The following ZNF581 variants were observed in gnomAD, a reference collection of about 807,000 sequenced individuals.
ZNF581 encodes the protein zinc finger protein 581.
In ZNF581, 1 loss-of-function variant was observed where a neutral mutation model predicts 1.2. That is an observed-to-expected ratio of 0.83 (90% CI 0.30 to 3.95). The LOEUF is 3.95. ZNF581 is among the 30% of genes most tolerant of loss of function. The pLI is 0.18. For missense variants in ZNF581, 273 were observed against 274.6 expected, an observed-to-expected ratio of 0.99 and a Z score of 0.04; for synonymous variants, 105 against 109.2, an observed-to-expected ratio of 0.96 and a Z score of 0.24.
upstream of ZNF581, chr19:55,641,111 G>T: frequency 1.0e-6 from 1 of 985,400 alleles, no homozygotes; most frequent in Non-Finnish European, 1.2e-6. Flanking sequence ...CGCCGCCGGC[G>T]CTCGCCAGGG....
chr19:55,640,249 C>T (rs1395669935), upstream of ZNF581: 1 of 985,374 alleles, frequency 1.0e-6, no homozygotes, highest in Non-Finnish European at 1.2e-6. Flanking sequence ...GCTGCAGCGC[C>T]ACCGCGCGTT....
upstream of ZNF581, among the ~76,000 whole-genome samples, chr19:55,636,721 G>A (rs910154486): frequency 2.6e-5 from 4 of 152,104 alleles, no homozygotes; most frequent in African/African-American, 7.2e-5. Context: ...ATGAACAGAC[G>A]GAGGACGCAG....
At chr19:55,642,020 T>TG (rs535492817), upstream of ZNF581, 775 of 720,192 alleles carry the variant, frequency 1.1e-3, 10 homozygotes, top group South Asian at 0.037. Flanking sequence ...CGGGGGCCGG[T>TG]GGGGGGGTAG....
upstream of ZNF581, among the ~76,000 whole-genome samples, chr19:55,639,905 C>T (rs1245985298): frequency 6.6e-6 from 1 of 152,150 alleles, no homozygotes; most frequent in African/African-American, 2.4e-5. Context: ...GTGTGAGCCA[C>T]CGTGCTGATT....
Position 55,644,731 on chromosome 19 carries a change from C to G in ZNF581, c.160C>G (p.Leu54Val). The G allele has an allele frequency of 6.2e-7, 1 of 1,614,102 alleles. No homozygotes were observed. The highest frequency in any genetic ancestry group is 8.5e-7 in the Non-Finnish European group (1 of 1,179,992). ...ATCTCCTCCAAGGCCCAACCACTACCTGCTTATTGACACTCAGGGTGTCCC... is the reference window on the plus strand; with the variant it reads ...ATCTCCTCCAAGGCCCAACCACTACGTGCTTATTGACACTCAGGGTGTCCC... ...ASSPPRPNHYLLIDTQGVPYT... is the reference protein window; with the variant it reads ...ASSPPRPNHYVLIDTQGVPYT... The change falls in exon 2 of 2, where the codon CTG becomes GTG. Residue 54 changes from leucine (L) to valine (V), a missense_variant. Transcript: ENST00000270451. The surrounding 1 kb of genome is among the most constrained non-coding windows in gnomAD (Gnocchi z 4.3).
Position 55,644,976 on chromosome 19 carries a change from C to T in ZNF581, c.405C>T (p.Ser135=), listed in dbSNP as rs1158370657. ...CCAGCCACTTGGCACGGCACCATTC[C>T]ATTCACCTGGCGGGTGGTGGGCGGC... ...KRASHLARHH[S]IHLAGGGRPH... Residue 135 remains serine (S), a synonymous_variant, in exon 2 of 2, where the codon TCC becomes TCT. Transcript: ENST00000270451. This position sits in a 1 kb window ranked among gnomAD's most constrained non-coding sequence, Gnocchi z 4.3. 6.2e-7 allele frequency: 1 copy of T among 1,608,316 alleles called. No individual in the cohort carries two copies. The highest frequency in any genetic ancestry group is 1.7e-5 in the Admixed American group (1 of 59,922).
At chr19:55,641,147 G>A (rs1982439873), upstream of ZNF581, 3 of 985,324 alleles carry the variant, frequency 3.0e-6, no homozygotes, top group Admixed American at 1.2e-4. Flanking sequence ...CCGGGACCTC[G>A]GCCCGTTCCT....
chr19:55,635,159 G>A (rs1193800254), upstream of ZNF581: 2 of 152,368 alleles, frequency 1.3e-5, no homozygotes, highest in African/African-American at 2.4e-5. Context: ...CCAGGGCAGT[G>A]GGCGTTGGAA....
In ZNF581 at chr19:55,644,676, T is replaced by C. The variant is rs1568538787; in HGVS notation, c.105T>C (p.Pro35=). The part of the protein sequence containing the change: ...RRTCRSPEPG[P]SSSIGSPQAS... The stretch of plus-strand genomic sequence containing the variant: ...CTTGCCGCTCCCCAGAACCTGGACC[T>C]TCCTCCTCCATCGGATCTCCCCAGG... Residue 35 remains proline (P), a synonymous_variant, in exon 2 of 2, where the codon CCT becomes CCC. Transcript: ENST00000270451. The surrounding 1 kb of genome is among the most constrained non-coding windows in gnomAD (Gnocchi z 4.3). 6.2e-7 allele frequency: 1 copy of C among 1,613,144 alleles called. No individual in the cohort carries two copies. Among genetic ancestry groups the C allele is most frequent in the African/African-American group, 1.3e-5 (1 of 75,014 alleles).
chr19:55,639,683 C>T (rs1460028302), upstream of ZNF581, among the ~76,000 whole-genome samples: 1 of 152,174 alleles, frequency 6.6e-6, no homozygotes. Context: ...GTGGCACGAT[C>T]TTGGCACACT....
upstream of ZNF581, chr19:55,641,068 C>T (rs561338539): frequency 8.1e-6 from 8 of 985,226 alleles, no homozygotes; most frequent in East Asian, 3.4e-4. Flanking sequence ...TCCCCGGCGC[C>T]GCCGGCCCGG....
chr19:55,642,166 T>G, upstream of ZNF581: 14 of 1,063,228 alleles, frequency 1.3e-5, no homozygotes, highest in East Asian at 1.3e-4. Context: ...GATTTAGGGA[T>G]TGATTGTCTG....
At chr19:55,635,583 C>A (rs1041068458) in exon 1 of ZNF581, 2 of 783,832 alleles carry the variant, frequency 2.6e-6, no homozygotes, top group East Asian at 1.3e-4. Context: ...TGAGAGGATT[C>A]ATCGAGACCC....
Position 55,645,213 on chromosome 19 carries a change from T to C in ZNF581, c.*48T>C. The C allele has an allele frequency of 6.8e-7, 1 of 1,472,808 alleles. No individual in the cohort carries two copies. The highest frequency in any genetic ancestry group is 9.1e-7 in the Non-Finnish European group (1 of 1,099,142). The allele number at this position is 1,472,808 out of a possible 1,614,324, so 91.2% of individuals were successfully genotyped here. On this transcript the variant is annotated 3_prime_UTR_variant, in exon 2 of 2. Coordinates refer to ENST00000270451, the MANE Select transcript of ZNF581 (RefSeq NM_016535.4). ...GTACCACAGGACTTTGCAGGGAGCC[T>C]GGACTCCTGTCCAGACACCTGGTGA...
upstream of ZNF581, among the ~76,000 whole-genome samples, chr19:55,637,318 T>C (rs1982149737): frequency 6.6e-6 from 1 of 152,080 alleles, no homozygotes; most frequent in African/African-American, 2.4e-5. Flanking sequence ...GGCGGATCGC[T>C]TGAGGCCAGG....
At chr19:55,643,102 C>G (rs1036981308), upstream of ZNF581, 5 of 1,319,914 alleles carry the variant, frequency 3.8e-6, no homozygotes, top group African/African-American at 6.2e-5. Context: ...CACTCACTCC[C>G]ACACACACCC....
chr19:55,645,283 A>AG lies in ZNF581; in HGVS notation c.*119dup, dbSNP rs1189168614. Reference sequence around the variant, plus strand: ...AGGGCCCTGGACACAGACACAGAGCAGCCGCATCTCAAAGGCAGAGCCCTG... The same window carrying AG: ...AGGGCCCTGGACACAGACACAGAGCAGGCCGCATCTCAAAGGCAGAGCCCTG... On this transcript the variant is annotated 3_prime_UTR_variant, in exon 2 of 2. Coordinates refer to ENST00000270451, the MANE Select transcript of ZNF581 (RefSeq NM_016535.4). 4.1e-5 allele frequency: 36 copies of AG among 870,334 alleles called. No homozygotes were observed. The East Asian group carries it at 9.4e-4, about 23-fold the overall frequency. The allele number at this position is 870,334 out of a possible 1,614,324, so 53.9% of individuals were successfully genotyped here. A position where few individuals can be genotyped will look rare whatever the true frequency, so the allele number is the denominator to read the frequency against.
rs752111493 is a variant in ZNF581, at chr19:55,644,859, C to T, written c.288C>T (p.Phe96=). Reference sequence around the variant, plus strand: ...GCTGCCCCGTGTGCTCAAGGGTCTTCGAGTACATGTCCTACCTTCAGCGAC... The same window carrying T: ...GCTGCCCCGTGTGCTCAAGGGTCTTTGAGTACATGTCCTACCTTCAGCGAC... ...CYSCPVCSRV[F]EYMSYLQRHS... The change falls in exon 2 of 2, where the codon TTC becomes TTT. Residue 96 remains phenylalanine, a synonymous_variant. Coordinates refer to ENST00000270451, the MANE Select transcript of ZNF581 (RefSeq NM_016535.4). The surrounding 1 kb of genome is among the most constrained non-coding windows in gnomAD (Gnocchi z 4.3). 5.6e-6 allele frequency: 9 copies of T among 1,613,236 alleles called. No homozygotes were observed. The East Asian group carries it at 6.7e-5, about 12-fold the overall frequency.
At chr19:55,638,558 G>C (rs1982234965), upstream of ZNF581, among the ~76,000 whole-genome samples, 1 of 151,954 alleles carries the variant, frequency 6.6e-6, no homozygotes, top group South Asian at 2.1e-4. Flanking sequence ...TAAACAACTA[G>C]ATCTCATGTG....
Sources: gnomAD v4.1 joint callset for allele counts (sites outside exome capture counted in the v4.1 genomes callset) on GRCh38, gnomAD v4.1.1 for gene constraint, Gnocchi (gnomAD v3.1) non-coding constraint, MANE v1.5 for transcripts, NCBI Gene and HGNC (gene_info 2026-07-23, HGNC 2026-07-21) for gene names.